The following ERF variants were observed in gnomAD, a reference collection of about 807,000 sequenced individuals.
ERF encodes ETS domain-containing transcription factor ERF.
ERF carries 10 observed loss-of-function variants against 41.6 expected under a neutral mutation model. The ratio of observed to expected loss-of-function variants is 0.24; its 90% CI spans 0.15 to 0.41. ERF has a LOEUF of 0.41. ERF is among the 10% of genes least tolerant of loss of function. ERF has a pLI of 1.00. For missense variants in ERF, 621 were observed against 763.2 expected (o/e 0.81, Z 2.19); for synonymous variants, 395 against 342.4 (o/e 1.15, Z -1.70).
intron 1 of ERF, chr19:42,253,754 C>CA: frequency 1.6e-6 from 1 of 606,868 alleles, no homozygotes; most frequent in Non-Finnish European, 2.1e-6. Context: ...AAGCCGCCCC[C>CA]ACCCGCCGAG....
intron 1 of ERF, 145 bp downstream of exon 1, chr19:42,254,833 A>C: frequency 2.1e-6 from 2 of 948,180 alleles, no homozygotes; most frequent in Non-Finnish European, 3.0e-6. Flanking sequence ...GCGCCACGAG[A>C]AGCAACAGGT....
At chr19:42,254,784 G>A (rs2036506463) in intron 1 of ERF, 194 bp downstream of exon 1, 2 of 555,084 alleles carry the variant, frequency 3.6e-6, no homozygotes, top group Non-Finnish European at 5.9e-6. Flanking sequence ...CACTCCGCCC[G>A]GAGCCAGGAA....
chr19:42,249,630 G>A lies in ERF; in HGVS notation c.482C>T (p.Ser161Leu). ...TGAAGATGAAGAGCAGGCTGGTGGT[G>A]AGCGGGGGTCCTCGGTGGGGGACAG... ...EVLSPTEDPR[S>L]PPACSSSSSS... Residue 161 changes from serine to leucine, a missense_variant, in exon 4 of 4, where the codon TCA becomes TTA. By Grantham distance (145) the Ser-to-Leu change is moderately radical (BLOSUM62 -2). This residue lies in a region of ERF where 569 missense variants were observed against 625.5 expected (regional missense o/e 0.91). Coordinates refer to ENST00000222329, the MANE Select transcript of ERF (RefSeq NM_006494.4). The surrounding 1 kb of genome is among the most constrained non-coding windows in gnomAD (Gnocchi z 8.6). 6.2e-7 allele frequency: 1 copy of A among 1,612,402 alleles called. No individual in the cohort carries two copies.
intron 1 of ERF, among the ~76,000 whole-genome samples, chr19:42,251,943 G>T (rs1005587105): frequency 6.6e-6 from 1 of 151,976 alleles, no homozygotes; most frequent in Non-Finnish European, 1.5e-5. Flanking sequence ...CCTTCCACCA[G>T]CCCCTCAGGG....
chr19:42,251,175 A>T, intron 1 of ERF: 1 of 974,772 alleles, frequency 1.0e-6, no homozygotes, highest in Non-Finnish European at 1.2e-6. Context: ...CTGGAGAGTG[A>T]AACCCAGACT....
rs373026073 is a variant in ERF at position 42,248,932 on chromosome 19, T to C, written c.1180A>G (p.Lys394Glu). 1.2e-6 allele frequency: 2 copies of C among 1,606,462 alleles called. No homozygotes were observed. Among genetic ancestry groups the C allele is most frequent in the Non-Finnish European group, 1.7e-6 (2 of 1,179,662 alleles). Reference sequence around the variant, plus strand: ...CTCTTGTCAGCACCGGCTACGGCCTTCTCCCCAGCTGCCCGCTGCCGGCGT... The same window carrying C: ...CTCTTGTCAGCACCGGCTACGGCCTCCTCCCCAGCTGCCCGCTGCCGGCGT... ...LGRRQRAAGE[K>E]AVAGADKSGG... The change falls in exon 4 of 4, where the codon AAG becomes GAG. Residue 394 changes from lysine (K) to glutamate (E), a missense_variant. By Grantham distance (56) the Lys-to-Glu change is moderately conservative (BLOSUM62 1). Transcript: ENST00000222329. This position sits in a 1 kb window ranked among gnomAD's most constrained non-coding sequence, Gnocchi z 4.2.
chr19:42,250,006 C>A lies in ERF; in HGVS notation c.258-64G>T. 1 of 1,445,348 alleles carries A rather than the reference C, an allele frequency of 6.9e-7. No individual in the cohort carries two copies. The highest frequency in any genetic ancestry group is 1.1e-5 in the South Asian group (1 of 87,226). The allele number at this position is 1,445,348 out of a possible 1,614,324, so 89.5% of individuals were successfully genotyped here. On this transcript the variant is annotated intron_variant, in intron 2 of 3. Coordinates refer to ENST00000222329, the MANE Select transcript of ERF (RefSeq NM_006494.4). The surrounding 1 kb of genome is among the most constrained non-coding windows in gnomAD (Gnocchi z 5.1). The stretch of plus-strand genomic sequence containing the variant: ...TGGGACCCAGGTCTAGACTCCACAC[C>A]TTAACACGCACTTAGGTGTGGTTCC...
Position 42,254,967 on chromosome 19 carries a change from C to CCCGCCCCCACCTGTGT in ERF, c.17_22+10dup, listed in dbSNP as rs1424432848. The CCCGCCCCCACCTGTGT allele has an allele frequency of 1.3e-5, 20 of 1,493,796 alleles. No individual in the cohort carries two copies. Among genetic ancestry groups the CCCGCCCCCACCTGTGT allele is most frequent in the Non-Finnish European group, 1.8e-5 (20 of 1,130,628 alleles). The allele number at this position is 1,493,796 out of a possible 1,614,324, so 92.5% of individuals were successfully genotyped here. ...ACAAGTCTCCCCCACACGTGCTGCCCCCGCCCCCACCTGTGTCCGCCGGGG... is the reference window on the plus strand; with the variant it reads ...ACAAGTCTCCCCCACACGTGCTGCCCCCGCCCCCACCTGTGTCCGCCCCCACCTGTGTCCGCCGGGG... On this transcript the variant is annotated intron_variant, in intron 1 of 3. Transcript: ENST00000222329.
rs1019021724 is a variant in ERF, at chr19:42,250,271, G to C, written c.257+60C>G. On this transcript the variant is annotated intron_variant, in intron 2 of 3. Coordinates refer to ENST00000222329, the MANE Select transcript of ERF (RefSeq NM_006494.4). The surrounding 1 kb of genome is among the most constrained non-coding windows in gnomAD (Gnocchi z 5.1). Reference sequence around the variant, plus strand: ...CCAATGCTTGTTCCCACAGGCAAGGGGCTGTGCAACCCCGGGGGGGCACTC... The same window carrying C: ...CCAATGCTTGTTCCCACAGGCAAGGCGCTGTGCAACCCCGGGGGGGCACTC... The C allele has an allele frequency of 5.8e-5, 91 of 1,567,438 alleles. No individual in the cohort carries two copies. The highest frequency in any genetic ancestry group is 7.7e-5 in the Non-Finnish European group (88 of 1,148,578).
Position 42,249,449 on chromosome 19 carries a change from C to T in ERF, c.663G>A (p.Pro221=), listed in dbSNP as rs771156910. The change falls in exon 4 of 4, where the codon CCG becomes CCA. Residue 221 remains proline (P), a synonymous_variant. Coordinates refer to ENST00000222329, the MANE Select transcript of ERF (RefSeq NM_006494.4). This position sits in a 1 kb window ranked among gnomAD's most constrained non-coding sequence, Gnocchi z 8.6. ...CAGGGTCATGGGGCAGGCGGGCCAG[C>T]GGGGGCCCTCGGAAGGCACCCAGAT... is the stretch of plus-strand genomic sequence containing the variant. ...PPDLGAFRGP[P]LARLPHDPGV... 43 of 1,594,972 alleles carry T rather than the reference C, an allele frequency of 2.7e-5. No homozygotes were observed. Among genetic ancestry groups the T allele is most frequent in the East Asian group, 9.0e-5 (4 of 44,464 alleles).
chr19:42,252,778 C>CT (rs1307071725), intron 1 of ERF, among the ~76,000 whole-genome samples: 1 of 152,168 alleles, frequency 6.6e-6, no homozygotes, highest in Non-Finnish European at 1.5e-5. Flanking sequence ...CAATGGGGCT[C>CT]TGTTCCCCAG....
Position 42,248,413 on chromosome 19 carries a change from A to G in ERF, c.*52T>C. ...CTCCAGGGCATAGGGGGCTTAAGGC[A>G]GCAAAAGAAGCATGGGGGGTGCGGG... On this transcript the variant is annotated 3_prime_UTR_variant, in exon 4 of 4. Coordinates refer to ENST00000222329, the MANE Select transcript of ERF (RefSeq NM_006494.4). This position sits in a 1 kb window ranked among gnomAD's most constrained non-coding sequence, Gnocchi z 4.2. 7.1e-7 allele frequency: 1 copy of G among 1,413,682 alleles called. No individual in the cohort carries two copies. Among genetic ancestry groups the G allele is most frequent in the Non-Finnish European group, 9.2e-7 (1 of 1,083,308 alleles). The allele number at this position is 1,413,682 out of a possible 1,614,324, so 87.6% of individuals were successfully genotyped here.
Position 42,248,382 on chromosome 19 carries a change from CCT to C in ERF, c.*81_*82del, listed in dbSNP as rs973767664. 28 of 1,245,354 alleles carry C rather than the reference CCT, an allele frequency of 2.2e-5. No individual in the cohort carries two copies. Among genetic ancestry groups the C allele is most frequent in the Non-Finnish European group, 2.7e-5 (26 of 955,858 alleles). 77.1% of individuals were successfully genotyped at this position (1,245,354 alleles called of 1,614,324 possible). A position where few individuals can be genotyped will look rare whatever the true frequency, so the allele number is the denominator to read the frequency against. The stretch of plus-strand genomic sequence containing the variant: ...GGCAGGGAAGAGACAAGAGAGCTGC[CCT>C]CACCTCCAGGGCATAGGGGGCTTAA... On this transcript the variant is annotated 3_prime_UTR_variant, in exon 4 of 4. Coordinates refer to ENST00000222329, the MANE Select transcript of ERF (RefSeq NM_006494.4). This position sits in a 1 kb window ranked among gnomAD's most constrained non-coding sequence, Gnocchi z 4.2.
intron 1 of ERF, among the ~76,000 whole-genome samples, chr19:42,252,905 C>G (rs1041270902): frequency 6.6e-6 from 1 of 151,880 alleles, no homozygotes; most frequent in Non-Finnish European, 1.5e-5. Flanking sequence ...CTTGGGGGTG[C>G]GGGACCTCGG....
rs1484228267 is a variant in ERF at position 42,249,632 on chromosome 19, G to T, written c.480C>A (p.Arg160=). The change falls in exon 4 of 4, where the codon CGC becomes CGA. Residue 160 remains arginine, a synonymous_variant. Transcript: ENST00000222329. This position sits in a 1 kb window ranked among gnomAD's most constrained non-coding sequence, Gnocchi z 8.6. ...AAGATGAAGAGCAGGCTGGTGGTGA[G>T]CGGGGGTCCTCGGTGGGGGACAGCA... ...SEVLSPTEDP[R]SPPACSSSSS... The T allele has an allele frequency of 1.2e-6, 2 of 1,612,418 alleles. No individual in the cohort carries two copies. Among genetic ancestry groups the T allele is most frequent in the Admixed American group, 1.7e-5 (1 of 59,824 alleles).
At chr19:42,253,727 C>T (rs2036484100) in intron 1 of ERF, 4 of 380,550 alleles carry the variant, frequency 1.1e-5, no homozygotes, top group East Asian at 3.6e-4. Flanking sequence ...GATCCCAGCT[C>T]GGAGCCCTTT....
At position 42,250,037 on chromosome 19, in the gene ERF, G is replaced by A; in HGVS notation, c.258-95C>T. The A allele has an allele frequency of 8.2e-7, 1 of 1,214,376 alleles. No individual in the cohort carries two copies. Among genetic ancestry groups the A allele is most frequent in the East Asian group, 2.3e-5 (1 of 42,820 alleles). The allele number at this position is 1,214,376 out of a possible 1,614,324, so 75.2% of individuals were successfully genotyped here. The stretch of plus-strand genomic sequence containing the variant: ...ACGCACTTAGGTGTGGTTCCCAAAG[G>A]CCAACTGAGGAACGTAGGCCACAAA... On this transcript the variant is annotated intron_variant, in intron 2 of 3. Coordinates refer to ENST00000222329, the MANE Select transcript of ERF (RefSeq NM_006494.4). The surrounding 1 kb of genome is among the most constrained non-coding windows in gnomAD (Gnocchi z 5.1).
Position 42,250,621 on chromosome 19 carries a change from G to A in ERF, c.23-56C>T. 1.9e-6 allele frequency: 3 copies of A among 1,559,722 alleles called. No individual in the cohort carries two copies. The highest frequency in any genetic ancestry group is 2.6e-6 in the Non-Finnish European group (3 of 1,145,962). ...GTCAGGCTGCCAAGTCCAGGGCTCT[G>A]GGTCCCATCCCAGGGTCCACCTCTG... On this transcript the variant is annotated intron_variant, in intron 1 of 3. Coordinates refer to ENST00000222329, the MANE Select transcript of ERF (RefSeq NM_006494.4). The surrounding 1 kb of genome is among the most constrained non-coding windows in gnomAD (Gnocchi z 5.1).
intron 1 of ERF, chr19:42,251,271 G>A: frequency 1.0e-6 from 1 of 986,076 alleles, no homozygotes. Context: ...TGGCTGGAGG[G>A]CCCAGCCCAG....
Sources: allele counts gnomAD v4.1 joint callset (sites outside exome capture counted in the v4.1 genomes callset), GRCh38; gene constraint gnomAD v4.1.1; regional missense constraint gnomAD v4.1.1; non-coding constraint Gnocchi (gnomAD v3.1); transcripts MANE v1.5; gene names NCBI Gene and HGNC (gene_info 2026-07-23, HGNC 2026-07-21).